Variants in RYR3 observed in about 807,000 individuals in gnomAD.
RYR3 encodes brain ryanodine receptor-calcium release channel.
Under a neutral mutation model 584.3 loss-of-function variants are expected in RYR3, and 207 were observed. That is an observed-to-expected ratio of 0.35 (90% CI 0.32 to 0.40). The LOEUF (loss-of-function observed/expected upper bound fraction) is 0.40, where lower values mean the gene tolerates loss of function less well. RYR3 is among the 10% of genes least tolerant of loss of function. The pLI, the probability that RYR3 is intolerant of heterozygous loss-of-function variation, is 1.00. For missense variants in RYR3, 5,616 were observed against 6,089.2 expected (o/e 0.92, Z 2.59); for synonymous variants, 2,416 against 2,248.5 (o/e 1.07, Z -2.11).
intron 52 of RYR3, among the ~76,000 whole-genome samples, chr15:33,742,988 A>G (rs763205547): frequency 1.3e-4 from 20 of 152,152 alleles, no homozygotes; most frequent in Admixed American, 2.6e-4. Flanking sequence ...CAGGCTGTTT[A>G]ATAAGTTTCA....
chr15:33,785,513 A>G, intron 65 of RYR3, 149 bp from the exon 66 acceptor site: 1 of 628,396 alleles, frequency 1.6e-6, no homozygotes, highest in Admixed American at 3.1e-5. Flanking sequence ...AGACAGCTGG[A>G]GGACAAAAGC....
At chr15:33,556,749 G>A (rs530756158) in intron 10 of RYR3, among the ~76,000 whole-genome samples, 3 of 152,102 alleles carry the variant, frequency 2.0e-5, no homozygotes, top group African/African-American at 7.2e-5. Context: ...TTACTAGAAA[G>A]CCAATCCCTT....
At chr15:33,372,843 C>T (rs2040442199) in intron 1 of RYR3, among the ~76,000 whole-genome samples, 1 of 152,222 alleles carries the variant, frequency 6.6e-6, no homozygotes, top group Admixed American at 6.5e-5. Flanking sequence ...ACTCAAGTTT[C>T]AGCTGCTCAC....
chr15:33,406,877 AAG>A (rs893694961), intron 1 of RYR3, among the ~76,000 whole-genome samples: 3 of 151,232 alleles, frequency 2.0e-5, no homozygotes, highest in Non-Finnish European at 4.4e-5. Flanking sequence ...ATATACAAGA[AAG>A]GGGATATCTT....
chr15:33,493,251 C>T (rs1433789348), intron 2 of RYR3, among the ~76,000 whole-genome samples: 8 of 152,120 alleles, frequency 5.3e-5, no homozygotes, highest in Non-Finnish European at 1.0e-4. Context: ...CCTAACTTAT[C>T]GATGGGACAC....
At chr15:33,716,049 C>G (rs1179646613) in intron 43 of RYR3, among the ~76,000 whole-genome samples, 1 of 152,112 alleles carries the variant, frequency 6.6e-6, no homozygotes, top group African/African-American at 2.4e-5. Flanking sequence ...CTCATAAGCT[C>G]TGGTTGCTTA....
In RYR3 at chr15:33,806,725, A is replaced by G. The variant is rs902321580; in HGVS notation, c.10012-830A>G. Among the ~76,000 whole-genome samples, 3 of 151,516 alleles carry G rather than the reference A, an allele frequency of 2.0e-5. No individual in the cohort carries two copies. In the South Asian group the frequency reaches 6.3e-4, roughly 32 times the overall value. Reference sequence around the variant, plus strand: ...ATTCTGAATCACTTTGGATATTCCTAGAGTACTTTTTGTTAATAAATCTTC... The same window carrying G: ...ATTCTGAATCACTTTGGATATTCCTGGAGTACTTTTTGTTAATAAATCTTC... On this transcript the variant is annotated intron_variant, in intron 69 of 103. Coordinates refer to ENST00000634891, the MANE Select transcript of RYR3 (RefSeq NM_001036.6).
intron 1 of RYR3, among the ~76,000 whole-genome samples, chr15:33,392,314 C>A (rs113970959): frequency 5.3e-5 from 8 of 151,406 alleles, no homozygotes; most frequent in African/African-American, 1.9e-4. Context: ...TTGTGCTCCA[C>A]TCTTATTTCA....
At chr15:33,519,169 G>T (rs561054397) in intron 3 of RYR3, among the ~76,000 whole-genome samples, 10 of 152,192 alleles carry the variant, frequency 6.6e-5, no homozygotes, top group Non-Finnish European at 1.0e-4. Context: ...GCTGACCTTT[G>T]ATGTGGTAAA....
At chr15:33,707,341 AG>A (rs975139231) in intron 43 of RYR3, among the ~76,000 whole-genome samples, 11 of 152,126 alleles carry the variant, frequency 7.2e-5, no homozygotes, top group African/African-American at 2.7e-4. Flanking sequence ...GCACTGTAAA[AG>A]GGGGCCTTAT....
intron 89 of RYR3, 167 bp from the exon 90 acceptor site, chr15:33,840,658 T>C: frequency 1.6e-6 from 1 of 635,014 alleles, no homozygotes. Context: ...CTCTTCAGAG[T>C]CACTTGACAT....
Position 33,355,089 on chromosome 15 carries a change from C to G in RYR3, c.51+43993C>G, listed in dbSNP as rs1973781476. 3.3e-5 allele frequency among the ~76,000 whole-genome samples: 5 copies of G among 150,072 alleles called. No individual in the cohort carries two copies. In the South Asian group the frequency reaches 1.0e-3, roughly 31 times the overall value. ...ATCCCTGCTACTCAGGAGGCTAAGA[C>G]AGGAGAATCGCTTGAACCTGGGGGG... On this transcript the variant is annotated intron_variant, in intron 1 of 103. Coordinates refer to ENST00000634891, the MANE Select transcript of RYR3 (RefSeq NM_001036.6).
intron 9 of RYR3, among the ~76,000 whole-genome samples, chr15:33,549,671 CTTA>C (rs2056525267): frequency 1.3e-5 from 2 of 152,252 alleles, no homozygotes; most frequent in African/African-American, 4.8e-5. Context: ...TCATTGTTGA[CTTA>C]TTATGCTTGT....
At chr15:33,601,334 GACTC>G in intron 16 of RYR3, 81 bp from the exon 17 acceptor site, 2 of 1,393,666 alleles carry the variant, frequency 1.4e-6, no homozygotes, top group Non-Finnish European at 2.0e-6. Flanking sequence ...ACCCTTTATG[GACTC>G]CTTCCCTCAT....
At chr15:33,539,583 G>A (rs1595504129) in intron 6 of RYR3, 121 bp downstream of exon 6, 1 of 613,670 alleles carries the variant, frequency 1.6e-6, no homozygotes, top group Non-Finnish European at 2.9e-6. Flanking sequence ...CATATATAGA[G>A]TTGACCCTTA....
intron 2 of RYR3, among the ~76,000 whole-genome samples, chr15:33,491,595 T>C (rs1002166090): frequency 6.6e-6 from 1 of 152,144 alleles, no homozygotes; most frequent in Non-Finnish European, 1.5e-5. Context: ...CTCTTAGTTA[T>C]CCAGGAGGGA....
At chr15:33,576,747 G>A (rs1027607875) in intron 12 of RYR3, among the ~76,000 whole-genome samples, 2 of 152,136 alleles carry the variant, frequency 1.3e-5, no homozygotes, top group Non-Finnish European at 1.5e-5. Context: ...GTTTAACGTA[G>A]TGTTGGAAGT....
At chr15:33,757,034 G>A (rs751960451) in intron 59 of RYR3, among the ~76,000 whole-genome samples, 16 of 152,104 alleles carry the variant, frequency 1.1e-4, no homozygotes, top group Non-Finnish European at 1.6e-4. Flanking sequence ...AATGAATTTG[G>A]GCTCAAGTTA....
At chr15:33,462,292 G>T (rs2048101541) in intron 1 of RYR3, among the ~76,000 whole-genome samples, 1 of 152,152 alleles carries the variant, frequency 6.6e-6, no homozygotes, top group Non-Finnish European at 1.5e-5. Flanking sequence ...TCAGTAAATT[G>T]CAGTGAGTGT....
Sources: gnomAD v4.1 joint callset for allele counts (sites outside exome capture counted in the v4.1 genomes callset) on GRCh38, gnomAD v4.1.1 for gene constraint, MANE v1.5 for transcripts, NCBI Gene and HGNC (gene_info 2026-07-23, HGNC 2026-07-21) for gene names.